SMC1B: variants seen among roughly 807,000 people sequenced by gnomAD.
SMC1B encodes structural maintenance of chromosomes 1B, also known as structural maintenance of chromosomes protein 1B.
Under a neutral mutation model 157.9 loss-of-function variants are expected in SMC1B, and 60 were observed. The ratio of observed to expected loss-of-function variants is 0.38; its 90% CI spans 0.31 to 0.47. The LOEUF is 0.47. Among genes scored for constraint, SMC1B ranks in the 20% least tolerant of loss-of-function variants. The pLI is 0.99. For missense variants in SMC1B, 1,165 were observed against 1,426.2 expected, an observed-to-expected ratio of 0.82 and a Z score of 2.95; for synonymous variants, 445 against 483.0, an observed-to-expected ratio of 0.92 and a Z score of 1.03.
chr22:45,389,736 T>C lies in SMC1B; in HGVS notation c.1707A>G (p.Thr569=), dbSNP rs1182086111. ...CATCAAGGTAATCTAGAGCGAGGAATGTCTCAGGTTCAGCTCTTTCCTCCT... is the reference window on the plus strand; with the variant it reads ...CATCAAGGTAATCTAGAGCGAGGAACGTCTCAGGTTCAGCTCTTTCCTCCT... The part of the protein sequence containing the change: ...FLKEERAEPE[T]FLALDYLDIK... The change falls in exon 10 of 25, where the codon ACA becomes ACG. Residue 569 remains threonine, a synonymous_variant. Coordinates refer to ENST00000357450, the MANE Select transcript of SMC1B (RefSeq NM_148674.5). 6.2e-7 allele frequency: 1 copy of C among 1,613,864 alleles called. No individual in the cohort carries two copies. Among genetic ancestry groups the C allele is most frequent in the African/African-American group, 1.3e-5 (1 of 74,938 alleles).
rs756422517 is a variant in SMC1B, at chr22:45,344,556, C to G, written c.3708G>C (p.Ter1236TyrextTer16). 2 of 1,610,000 alleles carry G rather than the reference C, an allele frequency of 1.2e-6. No homozygotes were observed. Among genetic ancestry groups the G allele is most frequent in the Non-Finnish European group, 1.7e-6 (2 of 1,176,266 alleles). ...ESSKRHGESR[*>Y] is the part of the protein sequence containing the mutation. ...TCAGGTGACTGCTGCAGGACTGCCCCTAGCGGGACTCTCCGTGTCTCTTGC... is the reference window on the plus strand; with the variant it reads ...TCAGGTGACTGCTGCAGGACTGCCCGTAGCGGGACTCTCCGTGTCTCTTGC... The change falls in exon 25 of 25, where the codon TAG becomes TAC. Residue 1236 changes from the stop codon to tyrosine, a stop_lost. Coordinates refer to ENST00000357450, the MANE Select transcript of SMC1B (RefSeq NM_148674.5).
intron 2 of SMC1B, 125 bp downstream of exon 2, chr22:45,408,585 G>A: frequency 1.7e-6 from 1 of 599,204 alleles, no homozygotes; most frequent in South Asian, 2.6e-5. Context: ...TGCTATGCAA[G>A]AGAAAAAAGA....
At chr22:45,354,559 T>A (rs2086651660) in intron 20 of SMC1B, among the ~76,000 whole-genome samples, 1 of 151,926 alleles carries the variant, frequency 6.6e-6, no homozygotes, top group Non-Finnish European at 1.5e-5. Context: ...CCCAACTAAT[T>A]TTTGTATTTT....
chr22:45,393,103 G>T (rs528272340), intron 9 of SMC1B, among the ~76,000 whole-genome samples: 1 of 152,292 alleles, frequency 6.6e-6, no homozygotes, highest in South Asian at 2.1e-4. Flanking sequence ...TTAGGGACAA[G>T]AGGATCAGAT....
At chr22:45,385,346 A>C (rs936881817) in intron 11 of SMC1B, among the ~76,000 whole-genome samples, 4 of 152,238 alleles carry the variant, frequency 2.6e-5, no homozygotes, top group African/African-American at 9.6e-5. Context: ...ATGTTTGACT[A>C]AAGAAAATTC....
chr22:45,362,034 A>G (rs2146778425), intron 16 of SMC1B, 50 bp from the exon 17 acceptor site: 1 of 1,563,274 alleles, frequency 6.4e-7, no homozygotes, highest in South Asian at 1.2e-5. Context: ...TATATTAATA[A>G]GGTACTTCTA....
intron 13 of SMC1B, among the ~76,000 whole-genome samples, 182 bp from the exon 14 acceptor site, chr22:45,371,769 G>T (rs1244184512): frequency 6.6e-6 from 1 of 152,076 alleles, no homozygotes; most frequent in African/African-American, 2.4e-5. Flanking sequence ...CTCAATCATG[G>T]GATAAAGTAT....
intron 1 of SMC1B, among the ~76,000 whole-genome samples, chr22:45,412,652 G>A (rs1211175506): frequency 1.3e-5 from 2 of 151,966 alleles, no homozygotes; most frequent in Non-Finnish European, 2.9e-5. Context: ...GATTACAGGC[G>A]TGTGCCACCA....
rs1054786260 is a variant in SMC1B, at chr22:45,347,207, T to TCCCAGCTACCATGTCCTGTTTCCTC, written c.3496-1663_3496-1639dup. Among the ~76,000 whole-genome samples, 151 of 152,236 alleles carry TCCCAGCTACCATGTCCTGTTTCCTC rather than the reference T, an allele frequency of 9.9e-4. 1 individual carries two copies. The highest frequency in any genetic ancestry group is 3.4e-3 in the African/African-American group (143 of 41,512). On this transcript the variant is annotated intron_variant, in intron 23 of 24. Coordinates refer to ENST00000357450, the MANE Select transcript of SMC1B (RefSeq NM_148674.5). ...AAGATGCTCTTCTTTCCTGTTTCCT[T>TCCCAGCTACCATGTCCTGTTTCCTC]CCCAGCTACCATGTCCTGTTTCCTC...
chr22:45,369,128 T>C (rs2086804487), intron 15 of SMC1B, among the ~76,000 whole-genome samples: 1 of 152,152 alleles, frequency 6.6e-6, no homozygotes, highest in African/African-American at 2.4e-5. Context: ...GACGGAATCT[T>C]GCTCTGTCGC....
Position 45,354,975 on chromosome 22 carries a change from A to G in SMC1B, c.3102T>C (p.Phe1034=). Residue 1034 remains phenylalanine (F), a synonymous_variant, in exon 20 of 25, where the codon TTT becomes TTC. Transcript: ENST00000357450. ...LENLKTVRDK[F]QESTDAFEAS... ...CAATTTTACCATCTGTGGACTCTTG[A>G]AACTTGTCTCTGACAGTCTTTAAGT... 2 of 1,614,194 alleles carry G rather than the reference A, an allele frequency of 1.2e-6. No individual in the cohort carries two copies.
chr22:45,357,687 G>A (rs1474950324), intron 19 of SMC1B, among the ~76,000 whole-genome samples: 3 of 152,174 alleles, frequency 2.0e-5, no homozygotes, highest in Non-Finnish European at 4.4e-5. Flanking sequence ...AGTCAGAAAT[G>A]CTGACATAAA....
In SMC1B at chr22:45,404,312, A is replaced by G. The variant is rs539555056; in HGVS notation, c.616-1741T>C. Reference sequence around the variant, plus strand: ...TGATGCTGGCATAGTATCACATGACAGATAAGGAAGGAAATTAAAATATTT... The same window carrying G: ...TGATGCTGGCATAGTATCACATGACGGATAAGGAAGGAAATTAAAATATTT... On this transcript the variant is annotated intron_variant, in intron 4 of 24. Coordinates refer to ENST00000357450, the MANE Select transcript of SMC1B (RefSeq NM_148674.5). Among the ~76,000 whole-genome samples the G allele has an allele frequency of 2.6e-5, 4 of 152,350 alleles. No individual in the cohort carries two copies. In the East Asian group the frequency reaches 7.7e-4, roughly 29 times the overall value.
Position 45,390,568 on chromosome 22 carries a change from G to C in SMC1B, c.1546-671C>G, listed in dbSNP as rs187112225. The stretch of plus-strand genomic sequence containing the variant: ...TAAAAATACAAAAATTACTGGGCGT[G>C]GTGGCGCACGCCTGCAGTTCCAGCT... On this transcript the variant is annotated intron_variant, in intron 9 of 24. Coordinates refer to ENST00000357450, the MANE Select transcript of SMC1B (RefSeq NM_148674.5). Among the ~76,000 whole-genome samples the C allele has an allele frequency of 1.5e-3, 230 of 152,258 alleles. 5 individuals are homozygous for C. In the East Asian group the frequency reaches 0.039, roughly 26 times the overall value.
At chr22:45,377,563 G>A (rs949233142) in intron 12 of SMC1B, among the ~76,000 whole-genome samples, 11 of 151,662 alleles carry the variant, frequency 7.3e-5, no homozygotes, top group Non-Finnish European at 1.2e-4. Context: ...GCTTGAACCC[G>A]GGAGGCAGAG....
chr22:45,383,488 G>A lies in SMC1B; in HGVS notation c.2037C>T (p.Ser679=), dbSNP rs777304311. The change falls in exon 12 of 25, where the codon AGC becomes AGT. Residue 679 remains serine (S), a synonymous_variant. Transcript: ENST00000357450. ...TTACCTTTAGCTCTTGGATTTTCTG[G>A]CTTCGTCTGTCTCTTAGATTCTTTA... The part of the protein sequence containing the change: ...KELKNLRDRR[S]QKIQELKGLM... 6.3e-7 allele frequency: 1 copy of A among 1,598,824 alleles called. No individual in the cohort carries two copies. The highest frequency in any genetic ancestry group is 8.5e-7 in the Non-Finnish European group (1 of 1,175,508).
intron 4 of SMC1B, among the ~76,000 whole-genome samples, chr22:45,405,460 G>A (rs2087248500): frequency 6.6e-6 from 1 of 152,032 alleles, no homozygotes; most frequent in South Asian, 2.1e-4. Context: ...GCTGAGGCAG[G>A]AGAATGGCGT....
chr22:45,410,221 A>T (rs1038005670), intron 1 of SMC1B, among the ~76,000 whole-genome samples: 1 of 152,196 alleles, frequency 6.6e-6, no homozygotes, highest in African/African-American at 2.4e-5. Flanking sequence ...GAATCCTGTG[A>T]GTTTTCCCAA....
intron 11 of SMC1B, among the ~76,000 whole-genome samples, chr22:45,383,895 G>A (rs1292951999): frequency 6.6e-6 from 1 of 152,050 alleles, no homozygotes. Flanking sequence ...TATACACAAT[G>A]GTTCAGTGAA....
Sources: gnomAD v4.1 joint callset for allele counts (sites outside exome capture counted in the v4.1 genomes callset) on GRCh38, gnomAD v4.1.1 for gene constraint, MANE v1.5 for transcripts, NCBI Gene and HGNC (gene_info 2026-07-23, HGNC 2026-07-21) for gene names.